The following PRKAR1B variants were observed in gnomAD, a reference collection of about 807,000 sequenced individuals.
The protein encoded by PRKAR1B is cAMP-dependent protein kinase type I-beta regulatory subunit.
Under a neutral mutation model 46.5 loss-of-function variants are expected in PRKAR1B, and 22 were observed. The observed-to-expected ratio is 0.47, with a 90% confidence interval of 0.34 to 0.68. The LOEUF is 0.68. Ranked by LOEUF, PRKAR1B falls within the 30% of genes least tolerant of loss-of-function variation. PRKAR1B has a pLI of 0.01. For missense variants in PRKAR1B, 445 were observed against 535.6 expected, an observed-to-expected ratio of 0.83 and a Z score of 1.67; for synonymous variants, 259 against 217.7, an observed-to-expected ratio of 1.19 and a Z score of -1.67.
chr7:721,005 T>C (rs1446070798), intron 1 of PRKAR1B, among the ~76,000 whole-genome samples: 2 of 152,230 alleles, frequency 1.3e-5, no homozygotes, highest in African/African-American at 4.8e-5. Context: ...TCTCATGCTT[T>C]ACTGTGGGAT....
At position 718,255 on chromosome 7, in the gene PRKAR1B, TACACACACACACACACACAC is replaced by T. The variant is rs35563369; in HGVS notation, c.-22-6748_-22-6729del. ...CCTTCACTGGGGGAAGCTTTATAGA[TACACACACACACACACACAC>T]ACACACACACACACACACACATACA... On this transcript the variant is annotated intron_variant, in intron 1 of 10. Transcript: ENST00000537384. Among the ~76,000 whole-genome samples the T allele has an allele frequency of 6.2e-3, 867 of 140,022 alleles. 13 individuals carry two copies. The highest frequency in any genetic ancestry group is 0.022 in the African/African-American group (814 of 36,716). The allele number at this position is 140,022 out of a possible 152,430, so 91.9% of individuals were successfully genotyped here.
At chr7:579,189 G>A (rs1780038909) in intron 9 of PRKAR1B, 67 bp downstream of exon 9, 5 of 1,611,094 alleles carry the variant, frequency 3.1e-6, no homozygotes, top group African/African-American at 1.3e-5. Flanking sequence ...CAGTGGAAGA[G>A]GAGAAGGTAA....
chr7:578,555 T>C (rs1230209345), intron 9 of PRKAR1B, among the ~76,000 whole-genome samples: 4 of 152,246 alleles, frequency 2.6e-5, no homozygotes, highest in African/African-American at 9.6e-5. Context: ...AGTGACCTGC[T>C]GTGTACACAC....
In PRKAR1B at chr7:583,558, GTGCACACCCA is replaced by G. The variant is rs1036389237; in HGVS notation, c.769+940_769+949del. On this transcript the variant is annotated intron_variant, in intron 8 of 10. Coordinates refer to ENST00000537384, the MANE Select transcript of PRKAR1B (RefSeq NM_001164760.2). ...ACTCACACACGTGCCAAACACATGC[GTGCACACCCA>G]TGCACACACACTTGCACACTCCCAG... Among the ~76,000 whole-genome samples the G allele has an allele frequency of 1.6e-4, 8 of 50,676 alleles. 1 individual carries two copies. The highest frequency in any genetic ancestry group is 3.6e-4 in the South Asian group (1 of 2,770). The allele number at this position is 50,676 out of a possible 152,430, so 33.2% of individuals were successfully genotyped here. A position where few individuals can be genotyped will look rare whatever the true frequency, so the allele number is the denominator to read the frequency against.
Position 714,184 on chromosome 7 carries a change from C to T in PRKAR1B, c.-22-2657G>A, listed in dbSNP as rs767410634. On this transcript the variant is annotated intron_variant, in intron 1 of 10. Coordinates refer to ENST00000537384, the MANE Select transcript of PRKAR1B (RefSeq NM_001164760.2). This position sits in a 1 kb window ranked among gnomAD's most constrained non-coding sequence, Gnocchi z 4.3. The stretch of plus-strand genomic sequence containing the variant: ...ACCTAACCAAGGCGACGTCTCGCTT[C>T]GGGGGGCAGATGCTCCAGGCCTGGC... Among the ~76,000 whole-genome samples, 1 of 152,132 alleles carries T rather than the reference C, an allele frequency of 6.6e-6. No individual in the cohort carries two copies. Among genetic ancestry groups the T allele is most frequent in the African/African-American group, 2.4e-5 (1 of 41,416 alleles).
rs779501682 is a variant in PRKAR1B, at chr7:696,256, C to T, written c.177+15073G>A. Among the ~76,000 whole-genome samples, 10 of 151,790 alleles carry T rather than the reference C, an allele frequency of 6.6e-5. No homozygotes were observed. The East Asian group carries it at 9.7e-4, about 15-fold the overall frequency. Reference sequence around the variant, plus strand: ...GGGATGACAGGCATGAGCCACAGCACCCGGCCCCAATGGAACTTTTTTTTT... The same window carrying T: ...GGGATGACAGGCATGAGCCACAGCATCCGGCCCCAATGGAACTTTTTTTTT... On this transcript the variant is annotated intron_variant, in intron 2 of 10. Transcript: ENST00000537384.
At chr7:706,341 T>C (rs988099451) in intron 2 of PRKAR1B, among the ~76,000 whole-genome samples, 1 of 122,254 alleles carries the variant, frequency 8.2e-6, no homozygotes, top group South Asian at 2.9e-4. Context: ...AGAAGATTGA[T>C]GGTGTCATTT....
intron 4 of PRKAR1B, among the ~76,000 whole-genome samples, chr7:647,096 G>A (rs1221239717): frequency 1.3e-5 from 2 of 152,164 alleles, no homozygotes; most frequent in Non-Finnish European, 1.5e-5. Context: ...CCACACAGCC[G>A]ACCACCTGTC....
At chr7:616,531 G>A (rs1782832852) in intron 4 of PRKAR1B, among the ~76,000 whole-genome samples, 1 of 152,248 alleles carries the variant, frequency 6.6e-6, no homozygotes, top group African/African-American at 2.4e-5. Context: ...AAGCTAGGCA[G>A]GCCTGGCTTC....
intron 2 of PRKAR1B, chr7:691,390 C>T (rs2128516194): frequency 1.1e-6 from 1 of 914,218 alleles, no homozygotes; most frequent in South Asian, 1.4e-5. Flanking sequence ...AGTGAGATTC[C>T]AAATCCCCTG....
intron 2 of PRKAR1B, among the ~76,000 whole-genome samples, chr7:688,542 C>T (rs1779230398): frequency 2.0e-5 from 3 of 152,218 alleles, no homozygotes; most frequent in Admixed American, 2.0e-4. Context: ...CCCCATACCC[C>T]TCACCTGCCC....
Position 727,130 on chromosome 7 carries a change from C to T in PRKAR1B, c.-23+80G>A, listed in dbSNP as rs1379663317. On this transcript the variant is annotated intron_variant, in intron 1 of 10. Coordinates refer to ENST00000537384, the MANE Select transcript of PRKAR1B (RefSeq NM_001164760.2). Reference sequence around the variant, plus strand: ...GTGCCCGCGCGCCGCCCGCCCGAGGCCTGTGAGGAGCTGCGCCTGGCGCTT... The same window carrying T: ...GTGCCCGCGCGCCGCCCGCCCGAGGTCTGTGAGGAGCTGCGCCTGGCGCTT... The T allele has an allele frequency of 8.3e-7, 1 of 1,201,306 alleles. No individual in the cohort carries two copies. Among genetic ancestry groups the T allele is most frequent in the Non-Finnish European group, 1.0e-6 (1 of 967,408 alleles). The allele number at this position is 1,201,306 out of a possible 1,614,324, so 74.4% of individuals were successfully genotyped here.
intron 2 of PRKAR1B, among the ~76,000 whole-genome samples, chr7:687,163 T>C (rs569376399): frequency 8.5e-5 from 13 of 152,280 alleles, no homozygotes; most frequent in African/African-American, 2.6e-4. Context: ...ATTTTTCATA[T>C]GTAATGTTGG....
chr7:685,945 CAT>C lies in PRKAR1B; in HGVS notation c.178-5221_178-5220del, dbSNP rs563191372. Among the ~76,000 whole-genome samples, 19 of 152,072 alleles carry C rather than the reference CAT, an allele frequency of 1.2e-4. No homozygotes were observed. In the East Asian group the frequency reaches 3.7e-3, roughly 29 times the overall value. On this transcript the variant is annotated intron_variant, in intron 2 of 10. Transcript: ENST00000537384. The stretch of plus-strand genomic sequence containing the variant: ...AAATGAAAAGTTCAGATAACAAAAA[CAT>C]AATAAAATTTTGAAAAGGAAAGCTA...
intron 2 of PRKAR1B, among the ~76,000 whole-genome samples, chr7:681,974 C>A (rs551454923): frequency 2.6e-5 from 4 of 152,152 alleles, no homozygotes; most frequent in East Asian, 3.9e-4. Context: ...ACACACCGGG[C>A]CCTGAGCTGA....
At chr7:688,020 CAGGAGGG>C (rs1479505417) in intron 2 of PRKAR1B, among the ~76,000 whole-genome samples, 1 of 147,942 alleles carries the variant, frequency 6.8e-6, no homozygotes, top group Non-Finnish European at 1.5e-5. Flanking sequence ...CATTTGAACC[CAGGAGGG>C]AGAGGTTGCA....
At chr7:617,011 T>G (rs1782861173) in intron 4 of PRKAR1B, among the ~76,000 whole-genome samples, 2 of 149,268 alleles carry the variant, frequency 1.3e-5, no homozygotes, top group African/African-American at 4.9e-5. Context: ...TTTTTTTTTT[T>G]GAGACAGAGT....
upstream of PRKAR1B, among the ~76,000 whole-genome samples, chr7:728,249 G>C (rs1242630789): frequency 6.6e-6 from 1 of 152,164 alleles, no homozygotes; most frequent in Non-Finnish European, 1.5e-5. Context: ...CTGGCGGGAA[G>C]GCTTTCCGAA....
intron 4 of PRKAR1B, among the ~76,000 whole-genome samples, chr7:662,439 C>T (rs1406368379): frequency 1.6e-5 from 2 of 128,948 alleles, no homozygotes; most frequent in African/African-American, 6.0e-5. Flanking sequence ...CTACTCTCCC[C>T]CCAGTGCCAC....
Sources: gnomAD v4.1 joint callset for allele counts (sites outside exome capture counted in the v4.1 genomes callset) on GRCh38, gnomAD v4.1.1 for gene constraint, Gnocchi (gnomAD v3.1) non-coding constraint, MANE v1.5 for transcripts, NCBI Gene and HGNC (gene_info 2026-07-23, HGNC 2026-07-21) for gene names.